COL5A3: variants seen among roughly 807,000 people sequenced by gnomAD.
COL5A3 encodes collagen alpha-3(V) chain.
A neutral mutation model predicts 250.0 loss-of-function variants in COL5A3; 172 were observed. The observed-to-expected ratio is 0.69, with a 90% CI of 0.61 to 0.78. The LOEUF is 0.78. Ranked by LOEUF, COL5A3 falls within the 30% of genes least tolerant of loss-of-function variation. The pLI, the probability that COL5A3 is intolerant of heterozygous loss-of-function variation, is 0.00. For synonymous variants in COL5A3, 937 were observed against 900.4 expected (o/e 1.04, Z -0.73); for missense variants, 2,340 against 2,334.4 (o/e 1.00, Z -0.05).
chr19:10,006,628 C>T (rs56391955), intron 1 of COL5A3, among the ~76,000 whole-genome samples: 24,998 of 152,138 alleles, frequency 0.16, 2,120 homozygotes, highest in South Asian at 0.26. Flanking sequence ...GGGAAACCCA[C>T]GTGGAGAGGA....
chr19:9,962,752 C>T (rs1348830462), intron 65 of COL5A3, 67 bp downstream of exon 65: 1 of 1,299,150 alleles, frequency 7.7e-7, no homozygotes, highest in Non-Finnish European at 1.1e-6. Context: ...AGAACCCACC[C>T]CTCAAACCCC....
At chr19:9,961,012 G>T in intron 65 of COL5A3, 122 bp from the exon 66 acceptor site, 3 of 1,259,050 alleles carry the variant, frequency 2.4e-6, no homozygotes, top group African/African-American at 1.5e-5. Context: ...CCATCTCTGA[G>T]GAGGTCCCAC....
intron 4 of COL5A3, among the ~76,000 whole-genome samples, chr19:10,004,620 C>T (rs1480866586): frequency 2.0e-5 from 3 of 152,292 alleles, no homozygotes; most frequent in African/African-American, 7.2e-5. Context: ...TATGAGCCAC[C>T]GCGCCCGGCC....
At position 9,993,748 on chromosome 19, in the gene COL5A3, C is replaced by T. The variant is rs764524258; in HGVS notation, c.1641+5G>A. The stretch of plus-strand genomic sequence containing the variant: ...CCAAGTCTTATCTCAGCCCCCATCA[C>T]CTACCTTAGGTCCAGTGTCCCCTGG... On this transcript the variant is annotated splice_donor_5th_base_variant and intron_variant, in intron 17 of 66. Coordinates refer to ENST00000264828, the MANE Select transcript of COL5A3 (RefSeq NM_015719.4). The T allele has an allele frequency of 6.2e-7, 1 of 1,614,168 alleles. No homozygotes were observed. Among genetic ancestry groups the T allele is most frequent in the East Asian group, 2.2e-5 (1 of 44,882 alleles).
chr19:9,961,652 G>A (rs760573909), intron 65 of COL5A3, among the ~76,000 whole-genome samples: 10 of 150,236 alleles, frequency 6.7e-5, no homozygotes, highest in African/African-American at 9.9e-5. Context: ...TCCGCCTCCC[G>A]GGTTCACGCC....
rs1356311191 is a variant in COL5A3 at position 9,960,081 on chromosome 19, G to C, written c.*330C>G. 9.7e-6 allele frequency: 3 copies of C among 310,466 alleles called. No homozygotes were observed. The highest frequency in any genetic ancestry group is 1.8e-5 in the Non-Finnish European group (3 of 163,184). The allele number at this position is 310,466 out of a possible 1,614,324, so 19.2% of individuals were successfully genotyped here. The stretch of plus-strand genomic sequence containing the variant: ...GAGGAGGCAGGCATTGGGGGTGGGG[G>C]GGCTTTTGTTCATCAGCTCTGAGTT... On this transcript the variant is annotated 3_prime_UTR_variant, in exon 67 of 67. Coordinates refer to ENST00000264828, the MANE Select transcript of COL5A3 (RefSeq NM_015719.4).
chr19:9,966,341 G>A lies in COL5A3; in HGVS notation c.4755C>T (p.Cys1585=). 1.9e-6 allele frequency: 3 copies of A among 1,606,830 alleles called. 1 individual carries two copies. Among genetic ancestry groups the A allele is most frequent in the Non-Finnish European group, 2.6e-6 (3 of 1,176,238 alleles). The part of the protein sequence containing the change: ...FCNFTAGGET[C]LYPDKKFEIV... ...TCTCAAACTTCTTGTCGGGATAGAG[G>A]CAGGTCTCTCCTCCCGCCGTGAAGT... Residue 1585 remains cysteine, a synonymous_variant, in exon 64 of 67, where the codon TGC becomes TGT. Transcript: ENST00000264828.
intron 11 of COL5A3, chr19:9,996,928 G>C (rs2145129560): frequency 1.8e-6 from 1 of 555,076 alleles, no homozygotes; most frequent in Non-Finnish European, 3.1e-6. Flanking sequence ...GAAGGATGGG[G>C]GCAGATGGAG....
chr19:9,993,149 AG>A (rs571974240), intron 19 of COL5A3, 82 bp from the exon 20 acceptor site: 3 of 1,455,236 alleles, frequency 2.1e-6, no homozygotes, highest in Non-Finnish European at 2.9e-6. Flanking sequence ...AGCCCCTTCC[AG>A]GGGGTCTCGG....
chr19:9,998,062 C>T (rs1196347557), intron 9 of COL5A3, 37 bp from the exon 10 acceptor site: 1 of 1,613,986 alleles, frequency 6.2e-7, no homozygotes, highest in Non-Finnish European at 8.5e-7. Flanking sequence ...CCGCTGTCAT[C>T]ATGAAGCCTC....
chr19:10,001,384 T>A lies in COL5A3; in HGVS notation c.1110+140A>T, dbSNP rs1599227445. On this transcript the variant is annotated intron_variant, in intron 8 of 66. Transcript: ENST00000264828. Reference sequence around the variant, plus strand: ...CTAGTCTCAATCTCCTGACCTCAAATGATCTGCCCACCTAGGTCTCCCAAA... The same window carrying A: ...CTAGTCTCAATCTCCTGACCTCAAAAGATCTGCCCACCTAGGTCTCCCAAA... The A allele has an allele frequency of 3.1e-5, 24 of 770,064 alleles. 1 individual carries two copies. The South Asian group carries it at 4.1e-4, about 13-fold the overall frequency. The allele number at this position is 770,064 out of a possible 1,614,324, so 47.7% of individuals were successfully genotyped here.
Position 9,973,576 on chromosome 19 carries a change from G to GCCTGGGGCTCCTGGAGGC in COL5A3, c.3642_3659dup (p.Pro1215_Gly1220dup). The GCCTGGGGCTCCTGGAGGC allele has an allele frequency of 6.2e-7, 1 of 1,612,374 alleles. No homozygotes were observed. On this transcript the variant is annotated inframe_insertion, in exon 50 of 67. Coordinates refer to ENST00000264828, the MANE Select transcript of COL5A3 (RefSeq NM_015719.4). The stretch of plus-strand genomic sequence containing the variant: ...ACATCACACAGTCACTCACCGGGAT[G>GCCTGGGGCTCCTGGAGGC]CCTGGGGCTCCTGGAGGCCCTGGGT...
chr19:9,993,923 T>C (rs1485808838), intron 16 of COL5A3, 117 bp from the exon 17 acceptor site: 8 of 889,684 alleles, frequency 9.0e-6, no homozygotes, highest in Admixed American at 4.4e-5. Context: ...GGTCTCCTTC[T>C]GTCACTCAGG....
chr19:9,987,151 T>C (rs1229585216), intron 27 of COL5A3, among the ~76,000 whole-genome samples: 1 of 152,198 alleles, frequency 6.6e-6, no homozygotes, highest in Admixed American at 6.5e-5. Context: ...ACCTCTGTGC[T>C]TGGCTATGGA....
chr19:9,995,587 G>T lies in COL5A3; in HGVS notation c.1564C>A (p.Pro522Thr), dbSNP rs1319230738. 2 of 1,608,128 alleles carry T rather than the reference G, an allele frequency of 1.2e-6. No homozygotes were observed. Among genetic ancestry groups the T allele is most frequent in the Admixed American group, 1.7e-5 (1 of 59,082 alleles). Residue 522 changes from proline to threonine, a missense_variant, in exon 16 of 67, where the codon CCC (proline) becomes ACC (threonine). This residue lies in a region of COL5A3 where 1,152 missense variants were observed against 1,146.3 expected (regional missense o/e 1.00). Transcript: ENST00000264828. The part of the protein sequence containing the change: ...GPRGLQGPHG[P>T]PGRVGKMGRP... ...ACCATCTTGCCCACTCGGCCAGGGGGTCCATGAGGTCCCTGCAGGCCTCGG... is the reference window on the plus strand; with the variant it reads ...ACCATCTTGCCCACTCGGCCAGGGGTTCCATGAGGTCCCTGCAGGCCTCGG...
intron 39 of COL5A3, 44 bp from the exon 40 acceptor site, chr19:9,979,024 T>A (rs367836203): frequency 1.1e-5 from 16 of 1,484,232 alleles, no homozygotes; most frequent in Non-Finnish European, 1.5e-5. Context: ...AGGGAGGGGA[T>A]GTCTCCCTCC....
At chr19:9,992,086 C>G (rs753633945) in intron 21 of COL5A3, 38 bp from the exon 22 acceptor site, 1 of 1,599,500 alleles carries the variant, frequency 6.3e-7, no homozygotes, top group Non-Finnish European at 8.6e-7. Context: ...GACAGAGCAA[C>G]AAGCTGGGAG....
Position 10,010,387 on chromosome 19 carries a change from C to T in COL5A3, c.-2G>A, listed in dbSNP as rs969457665. 5.6e-6 allele frequency: 8 copies of T among 1,433,486 alleles called. No homozygotes were observed. The African/African-American group carries it at 8.9e-5, about 16-fold the overall frequency. The allele number at this position is 1,433,486 out of a possible 1,614,324, so 88.8% of individuals were successfully genotyped here. Reference sequence around the variant, plus strand: ...GCCCAGGTCCCGGCGGTTCCCCATCCCGGCGGGGCCCACGGGCAAGGCGGG... The same window carrying T: ...GCCCAGGTCCCGGCGGTTCCCCATCTCGGCGGGGCCCACGGGCAAGGCGGG... On this transcript the variant is annotated 5_prime_UTR_variant, in exon 1 of 67. Transcript: ENST00000264828.
rs752730577 is a variant in COL5A3 at position 9,996,249 on chromosome 19, C to A, written c.1436G>T (p.Gly479Val). Residue 479 changes from glycine (G) to valine (V), a missense_variant, in exon 14 of 67, where the codon GGC (glycine) becomes GTC (valine). Coordinates refer to ENST00000264828, the MANE Select transcript of COL5A3 (RefSeq NM_015719.4). ...AGTGAGCCCCACTGGACCAGGGGGG[C>A]CTTTCATAGAGAGCTGGAAAGACAG... ...VLQQTQLSMK[G>V]PPGPVGLTGR... 1.4e-5 allele frequency: 22 copies of A among 1,573,218 alleles called. No homozygotes were observed. Among genetic ancestry groups the A allele is most frequent in the Non-Finnish European group, 1.9e-5 (22 of 1,162,360 alleles).
Sources: allele counts gnomAD v4.1 joint callset (sites outside exome capture counted in the v4.1 genomes callset), GRCh38; gene constraint gnomAD v4.1.1; regional missense constraint gnomAD v4.1.1; transcripts MANE v1.5; gene names NCBI Gene and HGNC (gene_info 2026-07-23, HGNC 2026-07-21).